Variants in CHD3 observed in about 807,000 individuals in gnomAD.
CHD3 encodes ATP-dependent chromatin remodeler CHD3.
CHD3 carries 52 observed loss-of-function variants against 248.9 expected under a neutral mutation model. The ratio of observed to expected loss-of-function variants is 0.21; its 90% CI spans 0.17 to 0.26. The LOEUF (loss-of-function observed/expected upper bound fraction) is 0.26. Ranked by LOEUF, CHD3 falls within the 10% of genes least tolerant of loss-of-function variation. The pLI is 1.00. For synonymous variants in CHD3, 985 were observed against 985.2 expected (o/e 1.00, Z 0.00); for missense variants, 1,482 against 2,605.8 (o/e 0.57, Z 9.39).
In CHD3 at chr17:7,899,232, C is replaced by A. The variant is rs763345207; in HGVS notation, c.2343+30C>A. 1 of 1,605,846 alleles carries A rather than the reference C, an allele frequency of 6.2e-7. No homozygotes were observed. The highest frequency in any genetic ancestry group is 1.1e-5 in the South Asian group (1 of 90,916). On this transcript the variant is annotated intron_variant, in intron 14 of 39. Transcript: ENST00000330494. The surrounding 1 kb of genome is among the most constrained non-coding windows in gnomAD (Gnocchi z 6.8). ...TGGATTCTAGGACCTTGAAGGGGAC[C>A]GCCTGGACTGGGGAAGTGGGGAGGG...
upstream of CHD3, among the ~76,000 whole-genome samples, chr17:7,887,177 G>A (rs964267793): frequency 6.6e-6 from 1 of 152,116 alleles, no homozygotes; most frequent in Non-Finnish European, 1.5e-5. Flanking sequence ...TGTTCAGGCT[G>A]CCCTCGCTCT....
At position 7,911,013 on chromosome 17, in the gene CHD3, T is replaced by C. The variant is rs767665992; in HGVS notation, c.5881+40T>C. On this transcript the variant is annotated intron_variant, in intron 39 of 39. Coordinates refer to ENST00000330494, the MANE Select transcript of CHD3 (RefSeq NM_001005273.3). This position sits in a 1 kb window ranked among gnomAD's most constrained non-coding sequence, Gnocchi z 5.4. Reference sequence around the variant, plus strand: ...TCCTACCCCCTGCTACTCACACTCCTCCTTTGCCAAACTTTATTTCTGCTC... The same window carrying C: ...TCCTACCCCCTGCTACTCACACTCCCCCTTTGCCAAACTTTATTTCTGCTC... The C allele has an allele frequency of 1.2e-6, 2 of 1,609,188 alleles. No individual in the cohort carries two copies.
At chr17:7,902,568 C>A in intron 20 of CHD3, 42 bp from the exon 21 acceptor site, 1 of 1,326,158 alleles carries the variant, frequency 7.5e-7, no homozygotes, top group Non-Finnish European at 1.1e-6. Flanking sequence ...AAGCATCCCA[C>A]CACCTCATTA....
At chr17:7,894,373 C>T in intron 7 of CHD3, 42 bp from the exon 8 acceptor site, 1 of 1,592,874 alleles carries the variant, frequency 6.3e-7, no homozygotes, top group Non-Finnish European at 8.6e-7. Flanking sequence ...CTCCATCTCC[C>T]CCTGCCCTGC....
Position 7,888,817 on chromosome 17 carries a change from G to T in CHD3, c.-184G>T. 6.9e-7 allele frequency: 1 copy of T among 1,440,616 alleles called. No individual in the cohort carries two copies. The highest frequency in any genetic ancestry group is 9.1e-7 in the Non-Finnish European group (1 of 1,102,086). 89.2% of individuals were successfully genotyped at this position (1,440,616 alleles called of 1,614,324 possible). A position where few individuals can be genotyped will look rare whatever the true frequency, so the allele number is the denominator to read the frequency against. On this transcript the variant is annotated 5_prime_UTR_variant, in exon 1 of 40. Coordinates refer to ENST00000330494, the MANE Select transcript of CHD3 (RefSeq NM_001005273.3). ...TCTTTGTTTGGGTCTCCCATACTGC[G>T]TATAGATGAATGGGTCAGGATATCT...
upstream of CHD3, among the ~76,000 whole-genome samples, chr17:7,887,982 A>G (rs1415985023): frequency 6.6e-6 from 1 of 151,882 alleles, no homozygotes; most frequent in African/African-American, 2.4e-5. Flanking sequence ...CTTGTGCACC[A>G]CCCCTGGCTG....
At position 7,906,135 on chromosome 17, in the gene CHD3, T is replaced by TG. The variant is rs755097110; in HGVS notation, c.4358+152dup. ...TACAATACTTCCTGGCTCGATTTCC[T>TG]GGGGGGTGGTCTCAGCCCACTCCAC... On this transcript the variant is annotated intron_variant, in intron 28 of 39. Coordinates refer to ENST00000330494, the MANE Select transcript of CHD3 (RefSeq NM_001005273.3). The surrounding 1 kb of genome is among the most constrained non-coding windows in gnomAD (Gnocchi z 5.0). The TG allele has an allele frequency of 7.7e-7, 1 of 1,293,556 alleles. No homozygotes were observed. Among genetic ancestry groups the TG allele is most frequent in the Non-Finnish European group, 1.1e-6 (1 of 901,638 alleles). The allele number at this position is 1,293,556 out of a possible 1,614,324, so 80.1% of individuals were successfully genotyped here. A position where few individuals can be genotyped will look rare whatever the true frequency, so the allele number is the denominator to read the frequency against.
Position 7,889,644 on chromosome 17 carries a change from T to C in CHD3, c.101-20T>C, listed in dbSNP as rs1968532630. ...TGGAAACCTAGAGGCTTAGGTTTTCTGATGCTTTTTGCTTCAAAGATAAGG... is the reference window on the plus strand; with the variant it reads ...TGGAAACCTAGAGGCTTAGGTTTTCCGATGCTTTTTGCTTCAAAGATAAGG... On this transcript the variant is annotated intron_variant, in intron 1 of 39. Transcript: ENST00000330494. This position sits in a 1 kb window ranked among gnomAD's most constrained non-coding sequence, Gnocchi z 4.5. 5 of 1,600,888 alleles carry C rather than the reference T, an allele frequency of 3.1e-6. No individual in the cohort carries two copies. Among genetic ancestry groups the C allele is most frequent in the Middle Eastern group, 1.6e-4 (1 of 6,062 alleles).
chr17:7,907,788 G>A lies in CHD3; in HGVS notation c.5026+86G>A. 1 of 1,505,402 alleles carries A rather than the reference G, an allele frequency of 6.6e-7. No homozygotes were observed. The highest frequency in any genetic ancestry group is 2.6e-5 in the Admixed American group (1 of 38,302). The allele number at this position is 1,505,402 out of a possible 1,614,324, so 93.3% of individuals were successfully genotyped here. On this transcript the variant is annotated intron_variant, in intron 33 of 39. Transcript: ENST00000330494. This position sits in a 1 kb window ranked among gnomAD's most constrained non-coding sequence, Gnocchi z 4.3. Reference sequence around the variant, plus strand: ...GGGGAACCGAATGCTTGGGTCCTGGGCGGGTAGCTGTTTGAAAGGCCAGTA... The same window carrying A: ...GGGGAACCGAATGCTTGGGTCCTGGACGGGTAGCTGTTTGAAAGGCCAGTA...
At position 7,904,653 on chromosome 17, in the gene CHD3, G is replaced by A. The variant is rs1970698208; in HGVS notation, c.4072+34G>A. ...TGCCCCAGATGCAGGCAGTAAAGGGGGGAAGTGATGATGAGTAGGGACTTG... is the reference window on the plus strand; with the variant it reads ...TGCCCCAGATGCAGGCAGTAAAGGGAGGAAGTGATGATGAGTAGGGACTTG... On this transcript the variant is annotated intron_variant, in intron 25 of 39. Transcript: ENST00000330494. This position sits in a 1 kb window ranked among gnomAD's most constrained non-coding sequence, Gnocchi z 4.4. 6.3e-7 allele frequency: 1 copy of A among 1,589,506 alleles called. No individual in the cohort carries two copies. Among genetic ancestry groups the A allele is most frequent in the African/African-American group, 1.3e-5 (1 of 74,372 alleles).
chr17:7,891,291 T>C (rs926580984), intron 4 of CHD3, among the ~76,000 whole-genome samples: 3 of 152,162 alleles, frequency 2.0e-5, no homozygotes, highest in Non-Finnish European at 2.9e-5. Flanking sequence ...GCCATCATGA[T>C]TCCAGTGCTG....
In CHD3 at chr17:7,911,052, C is replaced by G; in HGVS notation, c.5881+79C>G. On this transcript the variant is annotated intron_variant, in intron 39 of 39. Coordinates refer to ENST00000330494, the MANE Select transcript of CHD3 (RefSeq NM_001005273.3). The surrounding 1 kb of genome is among the most constrained non-coding windows in gnomAD (Gnocchi z 5.4). ...TTATTTCTGCTCAGCTGCCCTTTAA[C>G]TGCTCTAGTCCATCTCATTTCCTTG... 6.4e-7 allele frequency: 1 copy of G among 1,569,868 alleles called. No homozygotes were observed.
chr17:7,895,128 A>G lies in CHD3; in HGVS notation c.1481A>G (p.Glu494Gly), dbSNP rs1314652089. 6.2e-7 allele frequency: 1 copy of G among 1,613,996 alleles called. No individual in the cohort carries two copies. Among genetic ancestry groups the G allele is most frequent in the South Asian group, 1.1e-5 (1 of 91,070 alleles). ...NPPLPDIPNGEWLCPRCTCPV... is the reference protein window; with the variant it reads ...NPPLPDIPNGGWLCPRCTCPV... ...CCCCTGCCTGACATTCCCAATGGTGAATGGCTGTGTCCCCGATGCACAGTG... is the reference window on the plus strand; with the variant it reads ...CCCCTGCCTGACATTCCCAATGGTGGATGGCTGTGTCCCCGATGCACAGTG... The change falls in exon 9 of 40, where the codon GAA (glutamate) becomes GGA (glycine). Residue 494 changes from glutamate (E) to glycine (G), a missense_variant. Transcript: ENST00000330494. The surrounding 1 kb of genome is among the most constrained non-coding windows in gnomAD (Gnocchi z 4.9).
Position 7,908,773 on chromosome 17 carries a change from G to T in CHD3, c.5338G>T (p.Ala1780Ser). The change falls in exon 36 of 40, where the codon GCC becomes TCC. Residue 1780 changes from alanine to serine, a missense_variant. Around this residue, in one of 20 missense-constraint regions of CHD3, gnomAD observed 27 missense variants for 23.5 expected, o/e 1.15. Coordinates refer to ENST00000330494, the MANE Select transcript of CHD3 (RefSeq NM_001005273.3). The surrounding 1 kb of genome is among the most constrained non-coding windows in gnomAD (Gnocchi z 5.8). ...TATCAACGAGCCATTTAAAACTGAA[G>T]CCAATAAGGGGAACTTTCTGGAGAT... ...AIINEPFKTE[A>S]NKGNFLEMKN... 1.9e-6 allele frequency: 3 copies of T among 1,614,132 alleles called. No homozygotes were observed. The highest frequency in any genetic ancestry group is 2.5e-6 in the Non-Finnish European group (3 of 1,180,026).
At chr17:7,886,171 T>G (rs1204675440), upstream of CHD3, among the ~76,000 whole-genome samples, 1 of 152,220 alleles carries the variant, frequency 6.6e-6, no homozygotes, top group Non-Finnish European at 1.5e-5. The surrounding 1 kb of genome is among the most constrained non-coding windows in gnomAD (Gnocchi z 4.2). Context: ...CCAGCTGTTC[T>G]GCAGCTTGAC....
rs1567849087 is a variant in CHD3, at chr17:7,897,033, C to A, written c.1708-50C>A. 6.7e-7 allele frequency: 1 copy of A among 1,502,144 alleles called. No homozygotes were observed. Among genetic ancestry groups the A allele is most frequent in the East Asian group, 2.3e-5 (1 of 44,270 alleles). 93.1% of individuals were successfully genotyped at this position (1,502,144 alleles called of 1,614,324 possible). Reference sequence around the variant, plus strand: ...GGCCTCTTCCCGGTTCCTTGTTGTCCTCTGTGAGTGTCAGGACTATCTCTT... The same window carrying A: ...GGCCTCTTCCCGGTTCCTTGTTGTCATCTGTGAGTGTCAGGACTATCTCTT... On this transcript the variant is annotated intron_variant, in intron 10 of 39. Transcript: ENST00000330494. The surrounding 1 kb of genome is among the most constrained non-coding windows in gnomAD (Gnocchi z 4.8).
At position 7,908,925 on chromosome 17, in the gene CHD3, G is replaced by T; in HGVS notation, c.5394+96G>T. The stretch of plus-strand genomic sequence containing the variant: ...AACCTAGGGAAGGTTAACACCTTCA[G>T]GGCTGAGGTGATACCTGGGGCCAAG... On this transcript the variant is annotated intron_variant, in intron 36 of 39. Transcript: ENST00000330494. This position sits in a 1 kb window ranked among gnomAD's most constrained non-coding sequence, Gnocchi z 5.8. 6.6e-7 allele frequency: 1 copy of T among 1,522,862 alleles called. No homozygotes were observed. Among genetic ancestry groups the T allele is most frequent in the South Asian group, 1.2e-5 (1 of 84,692 alleles). The allele number at this position is 1,522,862 out of a possible 1,614,324, so 94.3% of individuals were successfully genotyped here.
At position 7,905,301 on chromosome 17, in the gene CHD3, G is replaced by T; in HGVS notation, c.4138+136G>T. The T allele has an allele frequency of 1.3e-6, 1 of 787,012 alleles. No individual in the cohort carries two copies. Among genetic ancestry groups the T allele is most frequent in the Non-Finnish European group, 2.2e-6 (1 of 459,862 alleles). 48.8% of individuals were successfully genotyped at this position (787,012 alleles called of 1,614,324 possible). A position where few individuals can be genotyped will look rare whatever the true frequency, so the allele number is the denominator to read the frequency against. On this transcript the variant is annotated intron_variant, in intron 26 of 39. Coordinates refer to ENST00000330494, the MANE Select transcript of CHD3 (RefSeq NM_001005273.3). This position sits in a 1 kb window ranked among gnomAD's most constrained non-coding sequence, Gnocchi z 5.8. ...AACTCGATTGCAGATGAGCAGAAAG[G>T]AAGAAATATTCATAGTCTCTCTGCT...
rs1567833393 is a variant in CHD3 at position 7,889,898 on chromosome 17, T to TC, written c.213+127dup. On this transcript the variant is annotated intron_variant, in intron 2 of 39. Coordinates refer to ENST00000330494, the MANE Select transcript of CHD3 (RefSeq NM_001005273.3). The surrounding 1 kb of genome is among the most constrained non-coding windows in gnomAD (Gnocchi z 4.5). ...GGGTTCTGAAGCCAGGGAGGCTTGATCCCCCGGGCCCCCCACTTCCCTGCC... is the reference window on the plus strand; with the variant it reads ...GGGTTCTGAAGCCAGGGAGGCTTGATCCCCCCGGGCCCCCCACTTCCCTGCC... The TC allele has an allele frequency of 3.1e-6, 3 of 963,646 alleles. No homozygotes were observed. The highest frequency in any genetic ancestry group is 2.9e-4 in the Middle Eastern group (1 of 3,422). 59.7% of individuals were successfully genotyped at this position (963,646 alleles called of 1,614,324 possible).
Sources: gnomAD v4.1 joint callset for allele counts (sites outside exome capture counted in the v4.1 genomes callset) on GRCh38, gnomAD v4.1.1 for gene constraint, gnomAD v4.1.1 regional missense constraint, Gnocchi (gnomAD v3.1) non-coding constraint, MANE v1.5 for transcripts, NCBI Gene and HGNC (gene_info 2026-07-23, HGNC 2026-07-21) for gene names.